The following GLRA1 variants were observed in gnomAD, a reference collection of about 807,000 sequenced individuals.
GLRA1 encodes glycine receptor alpha 1, also known as glycine receptor subunit alpha-1.
A neutral mutation model predicts 48.3 loss-of-function variants in GLRA1; 37 were observed. The observed-to-expected ratio is 0.77, with a 90% CI of 0.59 to 1.01. The LOEUF is 1.01. Among genes scored for constraint, GLRA1 ranks in the 50% least tolerant of loss-of-function variants. The pLI is 0.00. For synonymous variants in GLRA1, 196 were observed against 210.7 expected (o/e 0.93, Z 0.60); for missense variants, 427 against 571.0 (o/e 0.75, Z 2.57).
intron 7 of GLRA1, among the ~76,000 whole-genome samples, chr5:151,845,215 C>A (rs1752641702): frequency 6.6e-6 from 1 of 152,058 alleles, no homozygotes; most frequent in South Asian, 2.1e-4. Context: ...TCCATTAGGA[C>A]CCTTCTCCAA....
intron 3 of GLRA1, among the ~76,000 whole-genome samples, chr5:151,880,986 CA>C (rs1753747248): frequency 6.6e-6 from 1 of 152,230 alleles, no homozygotes; most frequent in South Asian, 2.1e-4. Flanking sequence ...TCCACATGTA[CA>C]AATATAAACA....
At chr5:151,903,601 T>C (rs755466692) in intron 1 of GLRA1, among the ~76,000 whole-genome samples, 2 of 152,180 alleles carry the variant, frequency 1.3e-5, no homozygotes, top group Non-Finnish European at 1.5e-5. Context: ...AGTCATCCTG[T>C]GCATTAAAAA....
intron 3 of GLRA1, among the ~76,000 whole-genome samples, chr5:151,880,139 A>G (rs1753726144): frequency 6.6e-6 from 1 of 152,206 alleles, no homozygotes; most frequent in South Asian, 2.1e-4. Context: ...TCTTTTGTAA[A>G]TTGCCCAGTT....
At chr5:151,857,649 G>T in intron 4 of GLRA1, among the ~76,000 whole-genome samples, 1 of 152,200 alleles carries the variant, frequency 6.6e-6, no homozygotes, top group East Asian at 1.9e-4. Context: ...ACTGGAAAGG[G>T]GTGGGCTCCT....
At chr5:151,914,622 TC>T (rs368096121) in intron 1 of GLRA1, among the ~76,000 whole-genome samples, 109 of 152,196 alleles carry the variant, frequency 7.2e-4, no homozygotes, top group Middle Eastern at 6.8e-3. Context: ...TCAGAAATTC[TC>T]CCCCACATTC....
intron 7 of GLRA1, among the ~76,000 whole-genome samples, chr5:151,833,395 C>G (rs1370969269): frequency 3.3e-5 from 5 of 152,148 alleles, no homozygotes; most frequent in Non-Finnish European, 7.4e-5. Flanking sequence ...GTGCTGTATT[C>G]AGAAGACCAA....
At chr5:151,835,793 A>G (rs1418699155) in intron 7 of GLRA1, among the ~76,000 whole-genome samples, 2 of 152,196 alleles carry the variant, frequency 1.3e-5, no homozygotes, top group African/African-American at 2.4e-5. Context: ...TAAACTGGGT[A>G]TTGATGGAAT....
At chr5:151,888,382 C>T (rs371526071) in intron 2 of GLRA1, among the ~76,000 whole-genome samples, 2 of 152,194 alleles carry the variant, frequency 1.3e-5, no homozygotes, top group South Asian at 2.1e-4. Context: ...TTGTTTACCT[C>T]GGCCATGCCT....
chr5:151,829,038 C>G lies in GLRA1; in HGVS notation c.942G>C (p.Trp314Cys), dbSNP rs867618642. ...ACACAAAGAGCAGGCAAACTGCCAT[C>G]CAAATGTCAATGGCTTTCACATAGG... ...KVSYVKAIDI[W>C]MAVCLLFVFS... Residue 314 changes from tryptophan to cysteine, a missense_variant, in exon 8 of 9, where the codon TGG becomes TGC. By Grantham distance (215) the Trp-to-Cys change is radical. Around this residue, in one of 4 missense-constraint regions of GLRA1, gnomAD observed 271 missense variants for 434.9 expected, o/e 0.62. Transcript: ENST00000274576. 2.5e-6 allele frequency: 4 copies of G among 1,614,032 alleles called. No individual in the cohort carries two copies. Among genetic ancestry groups the G allele is most frequent in the Non-Finnish European group, 3.4e-6 (4 of 1,179,952 alleles).
At chr5:151,851,846 G>A (rs1752922109) in intron 6 of GLRA1, among the ~76,000 whole-genome samples, 1 of 152,172 alleles carries the variant, frequency 6.6e-6, no homozygotes, top group African/African-American at 2.4e-5. Flanking sequence ...TGATGCTTAT[G>A]AAAAACTTAG....
At chr5:151,835,711 C>T (rs964989041) in intron 7 of GLRA1, among the ~76,000 whole-genome samples, 2 of 152,154 alleles carry the variant, frequency 1.3e-5, no homozygotes, top group Non-Finnish European at 2.9e-5. Flanking sequence ...GCCAAAAACC[C>T]ATGATTATCT....
In GLRA1 at chr5:151,848,075, G is replaced by A. The variant is rs140142037; in HGVS notation, c.912+3315C>T. On this transcript the variant is annotated intron_variant, in intron 7 of 8. Coordinates refer to ENST00000274576, the MANE Select transcript of GLRA1 (RefSeq NM_000171.4). Reference sequence around the variant, plus strand: ...TCAAATTGAAGTGTGTCCAGAAAAGGGTTAACAAAACAGGCCTGAGGCTGC... The same window carrying A: ...TCAAATTGAAGTGTGTCCAGAAAAGAGTTAACAAAACAGGCCTGAGGCTGC... Among the ~76,000 whole-genome samples, 604 of 152,322 alleles carry A rather than the reference G, an allele frequency of 4.0e-3. 5 individuals carry two copies. The highest frequency in any genetic ancestry group is 0.027 in the South Asian group (128 of 4,828).
chr5:151,878,754 G>A (rs753605587), intron 3 of GLRA1, among the ~76,000 whole-genome samples: 3 of 152,172 alleles, frequency 2.0e-5, no homozygotes, highest in East Asian at 1.9e-4. Flanking sequence ...TTGAGCCTGC[G>A]GGTGCACAGA....
At chr5:151,854,902 A>G in intron 6 of GLRA1, 138 bp downstream of exon 6, 1 of 991,534 alleles carries the variant, frequency 1.0e-6, no homozygotes. Flanking sequence ...TCAGAGCCAC[A>G]TTTTTGTTTC....
Position 151,919,113 on chromosome 5 carries a change from A to G in GLRA1, c.56+5381T>C, listed in dbSNP as rs570168594. Among the ~76,000 whole-genome samples, 8 of 152,288 alleles carry G rather than the reference A, an allele frequency of 5.3e-5. No homozygotes were observed. In the South Asian group the frequency reaches 6.2e-4, roughly 12 times the overall value. ...CTGGATTAACTAAAAAGAATCACAT[A>G]TCTTTACTTTTGTTTTTTCTTAGGT... is the stretch of plus-strand genomic sequence containing the variant. On this transcript the variant is annotated intron_variant, in intron 1 of 8. Coordinates refer to ENST00000274576, the MANE Select transcript of GLRA1 (RefSeq NM_000171.4).
At chr5:151,865,171 A>C (rs1258016688) in intron 3 of GLRA1, among the ~76,000 whole-genome samples, 1 of 152,224 alleles carries the variant, frequency 6.6e-6, no homozygotes, top group Non-Finnish European at 1.5e-5. Flanking sequence ...TGAGGAATCC[A>C]CTGAGAACAA....
At chr5:151,887,574 G>A (rs1001157197) in intron 2 of GLRA1, among the ~76,000 whole-genome samples, 2 of 152,152 alleles carry the variant, frequency 1.3e-5, no homozygotes, top group African/African-American at 4.8e-5. Context: ...GAAAACAGAG[G>A]CTCAGAGAAG....
chr5:151,851,408 A>C lies in GLRA1; in HGVS notation c.894T>G (p.Ser298=), dbSNP rs1752906218. 2 of 1,613,214 alleles carry C rather than the reference A, an allele frequency of 1.2e-6. No individual in the cohort carries two copies. The highest frequency in any genetic ancestry group is 2.2e-5 in the South Asian group (2 of 91,052). The change falls in exon 7 of 9, where the codon TCT becomes TCG. Residue 298 remains serine (S), a synonymous_variant. Coordinates refer to ENST00000274576, the MANE Select transcript of GLRA1 (RefSeq NM_000171.4). ...GACTTACCTTGGGCAGAGATGCTCG[A>C]GAGCCGGAGCTCTGGGTGGTCATGG... ...VLTMTTQSSG[S]RASLPKVSYV...
intron 7 of GLRA1, among the ~76,000 whole-genome samples, chr5:151,843,675 C>G (rs537746649): frequency 1.1e-4 from 16 of 152,296 alleles, no homozygotes; most frequent in Admixed American, 9.1e-4. Context: ...TTAAAAATTA[C>G]TCCAAAGCTA....
Sources: allele counts gnomAD v4.1 joint callset (sites outside exome capture counted in the v4.1 genomes callset), GRCh38; gene constraint gnomAD v4.1.1; regional missense constraint gnomAD v4.1.1; transcripts MANE v1.5; gene names NCBI Gene and HGNC (gene_info 2026-07-23, HGNC 2026-07-21).